Variants in SGMS1 observed in about 807,000 individuals in gnomAD.
SGMS1 encodes the protein phosphatidylcholine:ceramide cholinephosphotransferase 1.
Under a neutral mutation model 46.2 loss-of-function variants are expected in SGMS1, and 13 were observed. The observed-to-expected ratio is 0.28, with a 90% confidence interval of 0.18 to 0.45. The LOEUF is 0.45. Ranked by LOEUF, SGMS1 falls within the 20% of genes least tolerant of loss-of-function variation. SGMS1 has a pLI of 1.00. For missense variants in SGMS1, 324 were observed against 519.9 expected (o/e 0.62, Z 3.66); for synonymous variants, 203 against 187.8 (o/e 1.08, Z -0.66).
intron 1 of SGMS1, among the ~76,000 whole-genome samples, chr10:50,595,320 C>T (rs962125770): frequency 1.3e-5 from 2 of 152,034 alleles, no homozygotes; most frequent in African/African-American, 2.4e-5. Context: ...GGACTACAGG[C>T]GCACACCACC....
intron 6 of SGMS1, among the ~76,000 whole-genome samples, chr10:50,398,754 GC>G (rs1848885326): frequency 6.6e-6 from 1 of 151,928 alleles, no homozygotes; most frequent in East Asian, 1.9e-4. Context: ...TACCAAAGAA[GC>G]CTTATAAACA....
At chr10:50,470,344 T>C (rs1007279123) in intron 3 of SGMS1, among the ~76,000 whole-genome samples, 10 of 152,258 alleles carry the variant, frequency 6.6e-5, no homozygotes, top group African/African-American at 2.4e-4. Flanking sequence ...AGTAGAAAGT[T>C]TGTGTTTTCT....
chr10:50,333,506 T>C (rs1847660481), intron 7 of SGMS1, among the ~76,000 whole-genome samples: 1 of 152,314 alleles, frequency 6.6e-6, no homozygotes, highest in East Asian at 1.9e-4. Flanking sequence ...CCCCTGGAGA[T>C]TGGGGCCTGT....
At chr10:50,472,629 A>G (rs1837388413) in intron 3 of SGMS1, among the ~76,000 whole-genome samples, 1 of 152,218 alleles carries the variant, frequency 6.6e-6, no homozygotes, top group African/African-American at 2.4e-5. Context: ...TAAGGACACA[A>G]TAAACATGGG....
chr10:50,530,596 C>T (rs761828894), intron 2 of SGMS1, among the ~76,000 whole-genome samples: 4 of 152,036 alleles, frequency 2.6e-5, no homozygotes, highest in South Asian at 2.1e-4. Context: ...GCGATCCTCC[C>T]GCCTCAGCCT....
intron 3 of SGMS1, among the ~76,000 whole-genome samples, chr10:50,518,961 A>C (rs574674637): frequency 5.3e-5 from 8 of 152,226 alleles, no homozygotes; most frequent in Non-Finnish European, 7.3e-5. Flanking sequence ...GCAACAAAAT[A>C]CCAAAGATTG....
chr10:50,608,042 C>G (rs1322044823), intron 1 of SGMS1, among the ~76,000 whole-genome samples: 1 of 152,226 alleles, frequency 6.6e-6, no homozygotes, highest in African/African-American at 2.4e-5. Context: ...CCCTGTACCA[C>G]AATGCCAAAT....
rs151041444 is a variant in SGMS1, at chr10:50,472,175, G to T, written c.-497-5243C>A. Reference sequence around the variant, plus strand: ...TTTACAATGTGGAAAGATTAAATCAGGCTAACACATCTATCACCTCACATA... The same window carrying T: ...TTTACAATGTGGAAAGATTAAATCATGCTAACACATCTATCACCTCACATA... On this transcript the variant is annotated intron_variant, in intron 3 of 10. Transcript: ENST00000361781. 2.6e-3 allele frequency among the ~76,000 whole-genome samples: 393 copies of T among 152,032 alleles called. 2 individuals carry two copies. Among genetic ancestry groups the T allele is most frequent in the African/African-American group, 8.2e-3 (341 of 41,502 alleles).
chr10:50,516,975 T>C (rs1173650685), intron 3 of SGMS1, among the ~76,000 whole-genome samples: 3 of 152,154 alleles, frequency 2.0e-5, no homozygotes, highest in African/African-American at 7.2e-5. Context: ...GAGGTAACTA[T>C]GAATACCAGC....
intron 8 of SGMS1, among the ~76,000 whole-genome samples, chr10:50,326,886 C>T (rs1365202967): frequency 6.6e-6 from 1 of 152,018 alleles, no homozygotes; most frequent in Non-Finnish European, 1.5e-5. Context: ...GCTCTCCCTC[C>T]GAGGGAGAGG....
intron 2 of SGMS1, among the ~76,000 whole-genome samples, chr10:50,527,378 T>C (rs1174718397): frequency 6.6e-6 from 1 of 152,190 alleles, no homozygotes; most frequent in Non-Finnish European, 1.5e-5. Context: ...ACATATATAT[T>C]TACTCTTTTA....
intron 6 of SGMS1, among the ~76,000 whole-genome samples, chr10:50,389,117 G>T (rs546369424): frequency 9.2e-5 from 14 of 152,186 alleles, no homozygotes; most frequent in African/African-American, 3.4e-4. Context: ...TATATACAAT[G>T]AAATTTATTT....
intron 2 of SGMS1, among the ~76,000 whole-genome samples, chr10:50,547,136 G>A (rs1838108178): frequency 6.6e-6 from 1 of 152,090 alleles, no homozygotes; most frequent in Non-Finnish European, 1.5e-5. Flanking sequence ...GTCTAGAGGA[G>A]GCACAGAAGA....
At chr10:50,436,033 A>C (rs1292027390) in intron 5 of SGMS1, among the ~76,000 whole-genome samples, 3 of 152,210 alleles carry the variant, frequency 2.0e-5, no homozygotes, top group Non-Finnish European at 2.9e-5. Flanking sequence ...TAGTTCAAAG[A>C]ATCAAATTCA....
At chr10:50,391,661 T>C (rs988642619) in intron 6 of SGMS1, among the ~76,000 whole-genome samples, 2 of 152,060 alleles carry the variant, frequency 1.3e-5, no homozygotes, top group African/African-American at 4.8e-5. Flanking sequence ...GTAATCCCAT[T>C]ATTGGGTATT....
intron 8 of SGMS1, among the ~76,000 whole-genome samples, chr10:50,324,076 T>TA (rs1564874414): frequency 1.3e-5 from 2 of 152,156 alleles, no homozygotes. Context: ...ATGATGACAA[T>TA]ACTAAGTCCT....
At chr10:50,525,887 A>G (rs1564424280) in intron 2 of SGMS1, among the ~76,000 whole-genome samples, 1 of 152,216 alleles carries the variant, frequency 6.6e-6, no homozygotes, top group African/African-American at 2.4e-5. Context: ...TAGTTTGTAC[A>G]CCCATGACAA....
chr10:50,332,668 G>A (rs1402003834), intron 7 of SGMS1, among the ~76,000 whole-genome samples: 2 of 128,032 alleles, frequency 1.6e-5, no homozygotes, highest in African/African-American at 6.3e-5. Context: ...TGTCATCCAG[G>A]CTGGAGTGCA....
chr10:50,390,880 T>TA (rs1848755765), intron 6 of SGMS1, among the ~76,000 whole-genome samples: 1 of 152,146 alleles, frequency 6.6e-6, no homozygotes, highest in African/African-American at 2.4e-5. Context: ...GTCACCAGCA[T>TA]ACCCAAATAA....
Sources: gnomAD v4.1 joint callset for allele counts (sites outside exome capture counted in the v4.1 genomes callset) on GRCh38, gnomAD v4.1.1 for gene constraint, MANE v1.5 for transcripts, NCBI Gene and HGNC (gene_info 2026-07-23, HGNC 2026-07-21) for gene names.